Variants in DCDC1 observed in about 807,000 individuals in gnomAD.
DCDC1 encodes doublecortin domain-containing protein 1.
A neutral mutation model predicts 178.3 loss-of-function variants in DCDC1; 200 were observed. The observed-to-expected ratio is 1.12, with a 90% CI of 1.00 to 1.26. The LOEUF is 1.26. DCDC1 is among the 50% of genes most tolerant of loss of function. The probability of loss-of-function intolerance (pLI) is 0.00; values close to 1 mark genes in which losing one functional copy is unlikely to be tolerated. For missense variants in DCDC1, 1,983 were observed against 1,749.2 expected (o/e 1.13, Z -2.38); for synonymous variants, 690 against 604.8 (o/e 1.14, Z -2.07).
chr11:31,166,162 T>A (rs1302532905), intron 9 of DCDC1, among the ~76,000 whole-genome samples: 1 of 152,230 alleles, frequency 6.6e-6, no homozygotes, highest in Admixed American at 6.5e-5. Flanking sequence ...AACGTTAATA[T>A]TTATGACTAA....
chr11:30,888,144 A>AAG (rs1392077899), intron 36 of DCDC1, among the ~76,000 whole-genome samples: 8 of 142,138 alleles, frequency 5.6e-5, no homozygotes, highest in South Asian at 4.3e-4. Flanking sequence ...GAAAGAAAGA[A>AAG]AGAAAGAAAG....
chr11:31,114,375 C>T (rs1158630854), intron 11 of DCDC1, among the ~76,000 whole-genome samples: 1 of 152,028 alleles, frequency 6.6e-6, no homozygotes, highest in East Asian at 1.9e-4. Context: ...GTTTCATTAG[C>T]GTCATGGTAA....
chr11:30,985,956 G>A (rs1590663657), intron 20 of DCDC1, among the ~76,000 whole-genome samples: 1 of 152,008 alleles, frequency 6.6e-6, no homozygotes, highest in African/African-American at 2.4e-5. Flanking sequence ...TTTTTTTGAG[G>A]GGGACAGAAA....
At chr11:30,977,417 G>A (rs1028693863) in intron 20 of DCDC1, among the ~76,000 whole-genome samples, 1 of 152,144 alleles carries the variant, frequency 6.6e-6, no homozygotes, top group Non-Finnish European at 1.5e-5. Context: ...ATTCATGCTT[G>A]TAATAAAATC....
chr11:31,041,482 A>G (rs1474992800), intron 20 of DCDC1, among the ~76,000 whole-genome samples: 1 of 152,220 alleles, frequency 6.6e-6, no homozygotes, highest in African/African-American at 2.4e-5. Flanking sequence ...ATCACAGCCC[A>G]ATAAGGCTGG....
intron 18 of DCDC1, among the ~76,000 whole-genome samples, chr11:31,073,982 T>C (rs998869071): frequency 1.3e-5 from 2 of 152,214 alleles, no homozygotes; most frequent in African/African-American, 4.8e-5. Context: ...TTACCATGCT[T>C]ATCAGTCAGG....
At chr11:30,900,280 G>T in intron 33 of DCDC1, 66 bp downstream of exon 33, 2 of 1,281,624 alleles carry the variant, frequency 1.6e-6, no homozygotes, top group Non-Finnish European at 2.1e-6. Flanking sequence ...TCTTATGATG[G>T]CATAAAATGT....
chr11:31,238,969 C>A (rs1298536771), intron 9 of DCDC1, among the ~76,000 whole-genome samples: 1 of 151,846 alleles, frequency 6.6e-6, no homozygotes, highest in Non-Finnish European at 1.5e-5. Flanking sequence ...AAACCAGTAG[C>A]CCTGACTTTT....
chr11:31,198,974 G>T (rs2136415355), intron 9 of DCDC1, among the ~76,000 whole-genome samples: 1 of 151,798 alleles, frequency 6.6e-6, no homozygotes, highest in Non-Finnish European at 1.5e-5. Flanking sequence ...GAATTAAATT[G>T]GTTTATTGAC....
At chr11:31,028,360 G>A (rs1161857289) in intron 20 of DCDC1, among the ~76,000 whole-genome samples, 1 of 151,814 alleles carries the variant, frequency 6.6e-6, no homozygotes, top group Non-Finnish European at 1.5e-5. Context: ...TAGAACAAAT[G>A]TCTTCTCGAA....
intron 11 of DCDC1, among the ~76,000 whole-genome samples, chr11:31,119,216 C>T (rs1045932694): frequency 4.6e-5 from 7 of 152,248 alleles, no homozygotes; most frequent in South Asian, 4.1e-4. Flanking sequence ...TTCCTACTAT[C>T]GTAAAACCTA....
Position 31,291,382 on chromosome 11 carries a change from C to T in DCDC1, c.755-530G>A, listed in dbSNP as rs765233118. Among the ~76,000 whole-genome samples, 3 of 151,942 alleles carry T rather than the reference C, an allele frequency of 2.0e-5. No individual in the cohort carries two copies. The South Asian group carries it at 6.2e-4, about 32-fold the overall frequency. ...AGGAAGGTGCCTTCTAGGACATCCTCGGTGAGAGATTTAAACTATTTCACT... is the reference window on the plus strand; with the variant it reads ...AGGAAGGTGCCTTCTAGGACATCCTTGGTGAGAGATTTAAACTATTTCACT... On this transcript the variant is annotated intron_variant, in intron 6 of 38. Transcript: ENST00000684477.
At chr11:31,138,924 G>C (rs980148728) in intron 9 of DCDC1, among the ~76,000 whole-genome samples, 5 of 152,046 alleles carry the variant, frequency 3.3e-5, no homozygotes, top group African/African-American at 1.2e-4. Flanking sequence ...TTTTGTTAGA[G>C]AGAAAAGGCC....
intron 20 of DCDC1, among the ~76,000 whole-genome samples, chr11:30,965,811 C>CT (rs992402778): frequency 1.5e-5 from 2 of 135,150 alleles, no homozygotes; most frequent in African/African-American, 5.7e-5. Flanking sequence ...TCCAAGTGAT[C>CT]TCACTGTTCA....
At chr11:31,114,827 C>T (rs1959632498) in intron 11 of DCDC1, among the ~76,000 whole-genome samples, 1 of 152,134 alleles carries the variant, frequency 6.6e-6, no homozygotes, top group African/African-American at 2.4e-5. Flanking sequence ...ATCATTATGG[C>T]TGCTGCCTTG....
intron 17 of DCDC1, among the ~76,000 whole-genome samples, chr11:31,090,974 G>A (rs544368166): frequency 9.9e-5 from 15 of 152,138 alleles, no homozygotes; most frequent in African/African-American, 2.2e-4. Flanking sequence ...CTTACAGTCC[G>A]TTACAAGCCA....
At chr11:31,356,731 G>A (rs1484445124) in intron 1 of DCDC1, among the ~76,000 whole-genome samples, 30 of 150,430 alleles carry the variant, frequency 2.0e-4, no homozygotes, top group East Asian at 5.8e-4. Context: ...TCAAATAGAC[G>A]CAATAAAAAA....
At chr11:31,094,410 T>C (rs1958013658) in intron 15 of DCDC1, among the ~76,000 whole-genome samples, 2 of 152,166 alleles carry the variant, frequency 1.3e-5, no homozygotes, top group Admixed American at 1.3e-4. Flanking sequence ...TTATAAAATA[T>C]TTTTTCCTGA....
chr11:30,901,833 T>G (rs970093055), intron 32 of DCDC1, among the ~76,000 whole-genome samples: 1 of 152,146 alleles, frequency 6.6e-6, no homozygotes, highest in Non-Finnish European at 1.5e-5. Context: ...TTCACATAAT[T>G]CTTTCTTAAA....
Sources: allele counts gnomAD v4.1 joint callset (sites outside exome capture counted in the v4.1 genomes callset), GRCh38; gene constraint gnomAD v4.1.1; transcripts MANE v1.5; gene names NCBI Gene and HGNC (gene_info 2026-07-23, HGNC 2026-07-21).